The following PRKN variants were observed in gnomAD, a reference collection of about 807,000 sequenced individuals.
PRKN encodes the protein E3 ubiquitin-protein ligase parkin.
In PRKN, 56 loss-of-function variants were observed where a neutral mutation model predicts 59.5. The ratio of observed to expected loss-of-function variants is 0.94; its 90% CI spans 0.76 to 1.18. The LOEUF (loss-of-function observed/expected upper bound fraction) is 1.18, where lower values mean the gene tolerates loss of function less well. PRKN is among the 50% of genes most tolerant of loss of function. The pLI is 0.00. For missense variants in PRKN, 657 were observed against 596.4 expected (o/e 1.10, Z -1.06); for synonymous variants, 250 against 222.1 (o/e 1.13, Z -1.12).
intron 1 of PRKN, among the ~76,000 whole-genome samples, chr6:162,606,751 C>CT (rs1292060406): frequency 6.6e-6 from 1 of 152,186 alleles, no homozygotes; most frequent in Non-Finnish European, 1.5e-5. Flanking sequence ...CAGTCTCACT[C>CT]TGTCACCAAG....
In PRKN at chr6:161,750,116, TATACAC is replaced by T. The variant is rs1245707804; in HGVS notation, c.871+35650_871+35655del. ...CATAGGACATATATATATATATATA[TATACAC>T]ACACACACACACACACACACATATA... On this transcript the variant is annotated intron_variant, in intron 7 of 11. Transcript: ENST00000366898. Among the ~76,000 whole-genome samples, 9 of 139,248 alleles carry T rather than the reference TATACAC, an allele frequency of 6.5e-5. No individual in the cohort carries two copies. The East Asian group carries it at 1.7e-3, about 27-fold the overall frequency. 91.4% of individuals were successfully genotyped at this position (139,248 alleles called of 152,430 possible). A position where few individuals can be genotyped will look rare whatever the true frequency, so the allele number is the denominator to read the frequency against.
chr6:162,382,927 T>C (rs192320994), intron 2 of PRKN, among the ~76,000 whole-genome samples: 84 of 152,312 alleles, frequency 5.5e-4, no homozygotes, highest in African/African-American at 2.0e-3. Flanking sequence ...CTCAATAAAC[T>C]GCTTTCTTTG....
At chr6:161,366,694 T>C (rs938363936) in intron 10 of PRKN, among the ~76,000 whole-genome samples, 6 of 152,156 alleles carry the variant, frequency 3.9e-5, no homozygotes, top group African/African-American at 1.4e-4. Flanking sequence ...CCAGCAGCCA[T>C]GCTTCAGCCA....
At position 162,339,580 on chromosome 6, in the gene PRKN, C is replaced by T. The variant is rs1204730192; in HGVS notation, c.172-76815G>A. The stretch of plus-strand genomic sequence containing the variant: ...GAGGTGAGGGGCGCCTCTGCCCGGC[C>T]GCCCCTACTGGGAAGTGAGGAGCCC... On this transcript the variant is annotated intron_variant, in intron 2 of 11. Coordinates refer to ENST00000366898, the MANE Select transcript of PRKN (RefSeq NM_004562.3). Among the ~76,000 whole-genome samples the T allele has an allele frequency of 5.2e-3, 757 of 146,374 alleles. 3 individuals are homozygous for T. Among genetic ancestry groups the T allele is most frequent in the Middle Eastern group, 7.0e-3 (2 of 286 alleles).
chr6:161,850,882 T>C (rs1383724654), intron 6 of PRKN, among the ~76,000 whole-genome samples: 1 of 152,230 alleles, frequency 6.6e-6, no homozygotes, highest in Admixed American at 6.5e-5. Flanking sequence ...TCCAATGCTA[T>C]AACCACTTGC....
chr6:162,253,129 C>A (rs940110889), intron 3 of PRKN, among the ~76,000 whole-genome samples: 4 of 152,148 alleles, frequency 2.6e-5, no homozygotes, highest in Non-Finnish European at 5.9e-5. Context: ...TCTTTCTTCA[C>A]AGAAACAAGA....
At chr6:162,652,829 G>C (rs1048443391) in intron 1 of PRKN, among the ~76,000 whole-genome samples, 1 of 151,952 alleles carries the variant, frequency 6.6e-6, no homozygotes, top group Non-Finnish European at 1.5e-5. Flanking sequence ...AAAGAATTGA[G>C]AACTAACCCC....
intron 6 of PRKN, among the ~76,000 whole-genome samples, chr6:161,920,454 A>G (rs1412871221): frequency 1.3e-5 from 2 of 152,242 alleles, no homozygotes; most frequent in African/African-American, 2.4e-5. Flanking sequence ...ACATGTGAAC[A>G]TGGAAAAGGT....
chr6:162,713,493 C>CAAAAA (rs373942233), intron 1 of PRKN, among the ~76,000 whole-genome samples: 19 of 80,802 alleles, frequency 2.4e-4, no homozygotes, highest in African/African-American at 6.2e-4. Flanking sequence ...GACTCCACCT[C>CAAAAA]AAAAAAAAAA....
intron 9 of PRKN, among the ~76,000 whole-genome samples, chr6:161,536,484 C>T (rs1185012214): frequency 2.6e-5 from 4 of 151,926 alleles, no homozygotes; most frequent in South Asian, 2.1e-4. Context: ...GGAGGGAAAC[C>T]GACATTTTAG....
intron 6 of PRKN, among the ~76,000 whole-genome samples, chr6:161,965,950 T>C (rs1780562884): frequency 6.6e-6 from 1 of 152,056 alleles, no homozygotes; most frequent in Non-Finnish European, 1.5e-5. Flanking sequence ...AGATTTTTAG[T>C]TAATCTCTTT....
intron 2 of PRKN, among the ~76,000 whole-genome samples, chr6:162,376,986 C>T (rs1166397285): frequency 6.6e-6 from 1 of 151,928 alleles, no homozygotes; most frequent in African/African-American, 2.4e-5. Flanking sequence ...GAGACAGCAA[C>T]AACTTGAGTC....
intron 8 of PRKN, among the ~76,000 whole-genome samples, chr6:161,567,186 G>A (rs1409493461): frequency 6.6e-6 from 1 of 151,862 alleles, no homozygotes; most frequent in Non-Finnish European, 1.5e-5. Flanking sequence ...TTACAGGCGT[G>A]CACCACCATG....
rs184191176 is a variant in PRKN at position 162,585,209 on chromosome 6, T to A, written c.8-141736A>T. On this transcript the variant is annotated intron_variant, in intron 1 of 11. Coordinates refer to ENST00000366898, the MANE Select transcript of PRKN (RefSeq NM_004562.3). ...CCACTGCACCTGGCCTATAAATACC[T>A]TTCTTGGACTATATTAGAAATTAAC... Among the ~76,000 whole-genome samples the A allele has an allele frequency of 3.3e-3, 498 of 152,002 alleles. 1 individual carries two copies. Among genetic ancestry groups the A allele is most frequent in the African/African-American group, 8.3e-3 (344 of 41,474 alleles).
intron 8 of PRKN, among the ~76,000 whole-genome samples, chr6:161,568,531 T>A (rs1583238437): frequency 6.6e-6 from 1 of 152,286 alleles, no homozygotes; most frequent in Non-Finnish European, 1.5e-5. Flanking sequence ...AGGCGGAGCT[T>A]GCAGTGAGCT....
In PRKN at chr6:161,737,332, G is replaced by A. The variant is rs541714183; in HGVS notation, c.871+48440C>T. ...TAGGATGGAGCGATGAGGACAGCGG[G>A]CGCCCTTGCGAAGGCTGAGGTTCAC... On this transcript the variant is annotated intron_variant, in intron 7 of 11. Transcript: ENST00000366898. Among the ~76,000 whole-genome samples, 32 of 152,340 alleles carry A rather than the reference G, an allele frequency of 2.1e-4. No individual in the cohort carries two copies. In the East Asian group the frequency reaches 2.3e-3, roughly 11 times the overall value.
At chr6:161,996,643 A>G (rs1336657050) in intron 5 of PRKN, among the ~76,000 whole-genome samples, 3 of 152,150 alleles carry the variant, frequency 2.0e-5, no homozygotes, top group Non-Finnish European at 2.9e-5. Flanking sequence ...TCTATTTGTT[A>G]TAAATTTAAT....
chr6:162,029,215 T>G (rs564766790), intron 5 of PRKN, among the ~76,000 whole-genome samples: 15 of 152,004 alleles, frequency 9.9e-5, no homozygotes, highest in Admixed American at 4.6e-4. Context: ...TACAGAGAAA[T>G]TCAGTCACTG....
rs1583005259 is a variant in PRKN at position 161,386,984 on chromosome 6, C to T, written c.1084-107G>A. The T allele has an allele frequency of 1.0e-5, 9 of 885,568 alleles. No homozygotes were observed. Among genetic ancestry groups the T allele is most frequent in the East Asian group, 4.8e-5 (2 of 41,326 alleles). The allele number at this position is 885,568 out of a possible 1,614,324, so 54.9% of individuals were successfully genotyped here. ...ATATTCATTCCTCTGGCTTGTGCAA[C>T]AGTTTCTGTATAAAAATACTTTTTT... is the stretch of plus-strand genomic sequence containing the variant. On this transcript the variant is annotated intron_variant, in intron 9 of 11. Transcript: ENST00000366898. The surrounding 1 kb of genome is among the most constrained non-coding windows in gnomAD (Gnocchi z 4.3).
Sources: allele counts gnomAD v4.1 joint callset (sites outside exome capture counted in the v4.1 genomes callset), GRCh38; gene constraint gnomAD v4.1.1; non-coding constraint Gnocchi (gnomAD v3.1); transcripts MANE v1.5; gene names NCBI Gene and HGNC (gene_info 2026-07-23, HGNC 2026-07-21).